The following LRRC8C variants were observed in gnomAD, a reference collection of about 807,000 sequenced individuals.
LRRC8C encodes the protein leucine rich repeat containing 8 VRAC subunit C, also known as volume-regulated anion channel subunit LRRC8C.
In LRRC8C, 20 loss-of-function variants were observed where a neutral mutation model predicts 55.3. The observed-to-expected ratio is 0.36, with a 90% CI of 0.25 to 0.53. LRRC8C has a LOEUF of 0.53. Among genes scored for constraint, LRRC8C ranks in the 20% least tolerant of loss-of-function variants. The pLI is 0.92. For missense variants in LRRC8C, 659 were observed against 951.4 expected (o/e 0.69, Z 4.04); for synonymous variants, 376 against 360.7 (o/e 1.04, Z -0.48).
At chr1:89,622,432 A>G in the LRRC8C span, among the ~76,000 whole-genome samples, 3 of 149,940 alleles carry the variant, frequency 2.0e-5, no homozygotes, top group Non-Finnish European at 4.4e-5. Context: ...TCCTGGGTTC[A>G]CGCCATTCTC....
At chr1:89,694,514 G>T (rs1232092080) in intron 2 of LRRC8C, among the ~76,000 whole-genome samples, 2 of 151,358 alleles carry the variant, frequency 1.3e-5, no homozygotes, top group African/African-American at 4.9e-5. Flanking sequence ...AAACTCCTGG[G>T]CTCTAGTGAT....
At chr1:89,622,335 A>AT in the LRRC8C span, among the ~76,000 whole-genome samples, 3,175 of 145,408 alleles carry the variant, frequency 0.022, 58 homozygotes, top group African/African-American at 0.042. Context: ...TACATGTAAA[A>AT]TTTTTTTTTT....
At chr1:89,643,909 ATATAGT>A (rs1384867315) in intron 1 of LRRC8C, among the ~76,000 whole-genome samples, 25 of 152,342 alleles carry the variant, frequency 1.6e-4, no homozygotes, top group African/African-American at 4.8e-4. Flanking sequence ...TTGAATTTTG[ATATAGT>A]TATAGGCATA....
chr1:89,711,893 A>G (rs906605610), intron 2 of LRRC8C, among the ~76,000 whole-genome samples: 5 of 152,238 alleles, frequency 3.3e-5, no homozygotes, highest in African/African-American at 1.2e-4. Context: ...AATTTCCATT[A>G]AATTCATTCA....
Position 89,681,974 on chromosome 1 carries a change from G to A in LRRC8C, c.-4-4496G>A, listed in dbSNP as rs912925141. ...GAGCAGATCACGAGGTCAGGAGATC[G>A]AGACCATCCTGGCTAACACGGTGAA... On this transcript the variant is annotated intron_variant, in intron 1 of 2. Coordinates refer to ENST00000370454, the MANE Select transcript of LRRC8C (RefSeq NM_032270.5). Among the ~76,000 whole-genome samples, 5 of 152,252 alleles carry A rather than the reference G, an allele frequency of 3.3e-5. No individual in the cohort carries two copies. In the South Asian group the frequency reaches 6.2e-4, roughly 19 times the overall value.
At chr1:89,617,778 C>T in the LRRC8C span, among the ~76,000 whole-genome samples, 3 of 152,154 alleles carry the variant, frequency 2.0e-5, no homozygotes, top group Admixed American at 2.0e-4. Flanking sequence ...ACTCCTATGA[C>T]CCTCTCAGGT....
Position 89,683,248 on chromosome 1 carries a change from A to G in LRRC8C, c.-4-3222A>G, listed in dbSNP as rs115188277. 2.2e-3 allele frequency among the ~76,000 whole-genome samples: 330 copies of G among 152,332 alleles called. 1 individual carries two copies. Among genetic ancestry groups the G allele is most frequent in the African/African-American group, 7.4e-3 (307 of 41,568 alleles). On this transcript the variant is annotated intron_variant, in intron 1 of 2. Transcript: ENST00000370454. ...AAGGTCTGGATAACTCAGTGATCCAATGTTTTCCAAATTACCAATGCATGA... is the reference window on the plus strand; with the variant it reads ...AAGGTCTGGATAACTCAGTGATCCAGTGTTTTCCAAATTACCAATGCATGA...
Position 89,663,296 on chromosome 1 carries a change from C to T in LRRC8C, c.-4-23174C>T, listed in dbSNP as rs554958700. 5.3e-5 allele frequency among the ~76,000 whole-genome samples: 8 copies of T among 152,200 alleles called. No homozygotes were observed. The South Asian group carries it at 1.2e-3, about 24-fold the overall frequency. The stretch of plus-strand genomic sequence containing the variant: ...TGCAATAAACACACATGTGGCCGGA[C>T]GCGGTGGCTCATGCCTGTAATCCCA... On this transcript the variant is annotated intron_variant, in intron 1 of 2. Transcript: ENST00000370454.
intron 1 of LRRC8C, among the ~76,000 whole-genome samples, chr1:89,678,244 A>G (rs1478755489): frequency 6.6e-6 from 1 of 152,222 alleles, no homozygotes; most frequent in Non-Finnish European, 1.5e-5. Context: ...TAAAATTACT[A>G]TGTATTCACC....
At chr1:89,689,175 T>C (rs1657960879) in intron 2 of LRRC8C, among the ~76,000 whole-genome samples, 1 of 152,252 alleles carries the variant, frequency 6.6e-6, no homozygotes, top group Non-Finnish European at 1.5e-5. Flanking sequence ...GATAATCTTA[T>C]AAGTCTGCAT....
chr1:89,657,858 T>A (rs905692943), intron 1 of LRRC8C, among the ~76,000 whole-genome samples: 2 of 151,714 alleles, frequency 1.3e-5, no homozygotes, highest in Admixed American at 6.6e-5. Context: ...TGAACTGGAG[T>A]CATGTACATA....
rs1041879913 is a variant in LRRC8C, at chr1:89,716,694, T to C, written c.*1712T>C. On this transcript the variant is annotated 3_prime_UTR_variant, in exon 3 of 3. Coordinates refer to ENST00000370454, the MANE Select transcript of LRRC8C (RefSeq NM_032270.5). ...TTCACATTGACCATTTTCTGAGCTC[T>C]AGACTGATCGTAGTAAGTTTTGTGA... 5 of 152,226 alleles carry C rather than the reference T, an allele frequency of 3.3e-5. No individual in the cohort carries two copies. The highest frequency in any genetic ancestry group is 7.3e-5 in the Non-Finnish European group (5 of 68,038). 9.4% of individuals were successfully genotyped at this position (152,226 alleles called of 1,614,324 possible).
At position 89,713,191 on chromosome 1, in the gene LRRC8C, G is replaced by A; in HGVS notation, c.621G>A (p.Leu207=). Residue 207 remains leucine, a synonymous_variant, in exon 3 of 3, where the codon CTG becomes CTA. Transcript: ENST00000370454. This position sits in a 1 kb window ranked among gnomAD's most constrained non-coding sequence, Gnocchi z 5.2. The part of the protein sequence containing the change: ...NTIQSGPEDS[L]VNSQSLKSIP... ...TCCAATCTGGTCCAGAAGACAGCCT[G>A]GTCAACTCTCAGTCTTTAAAGTCCA... 1.2e-6 allele frequency: 2 copies of A among 1,614,126 alleles called. No homozygotes were observed. Among genetic ancestry groups the A allele is most frequent in the Non-Finnish European group, 1.7e-6 (2 of 1,179,994 alleles).
At chr1:89,705,577 C>T (rs958345564) in intron 2 of LRRC8C, among the ~76,000 whole-genome samples, 7 of 151,940 alleles carry the variant, frequency 4.6e-5, no homozygotes, top group East Asian at 1.9e-4. Context: ...CACAGGAGTT[C>T]GAGACCAGCC....
intron 2 of LRRC8C, among the ~76,000 whole-genome samples, chr1:89,696,638 C>T (rs1274073171): frequency 6.6e-6 from 1 of 152,138 alleles, no homozygotes; most frequent in African/African-American, 2.4e-5. Flanking sequence ...TGTGTCACAT[C>T]AGTTTTAAGG....
the LRRC8C span, among the ~76,000 whole-genome samples, chr1:89,618,221 T>G: frequency 6.6e-6 from 1 of 152,160 alleles, no homozygotes; most frequent in Non-Finnish European, 1.5e-5. Context: ...GAGGCTATGG[T>G]CAGACACGTC....
intron 2 of LRRC8C, among the ~76,000 whole-genome samples, chr1:89,690,538 A>G (rs1367838216): frequency 6.6e-6 from 1 of 151,682 alleles, no homozygotes; most frequent in Non-Finnish European, 1.5e-5. Flanking sequence ...TACACATTCC[A>G]TGGCAGGATG....
intron 1 of LRRC8C, among the ~76,000 whole-genome samples, chr1:89,660,206 C>A (rs1657076456): frequency 2.0e-5 from 3 of 152,266 alleles, no homozygotes; most frequent in African/African-American, 7.2e-5. Context: ...GTACTGAAAT[C>A]ATTTTAAGTG....
chr1:89,697,449 C>A (rs909401447), intron 2 of LRRC8C, among the ~76,000 whole-genome samples: 1 of 152,186 alleles, frequency 6.6e-6, no homozygotes, highest in African/African-American at 2.4e-5. Flanking sequence ...GTTTCTAGAG[C>A]TAAGTCAGCT....
Sources: gnomAD v4.1 joint callset for allele counts (sites outside exome capture counted in the v4.1 genomes callset) on GRCh38, gnomAD v4.1.1 for gene constraint, Gnocchi (gnomAD v3.1) non-coding constraint, MANE v1.5 for transcripts, NCBI Gene and HGNC (gene_info 2026-07-23, HGNC 2026-07-21) for gene names.